OR3A2: variants seen among roughly 807,000 people sequenced by gnomAD.
The protein encoded by OR3A2 is olfactory receptor 3A2.
For synonymous variants in OR3A2, 126 were observed against 159.3 expected, an observed-to-expected ratio of 0.79 and a Z score of 1.57; for missense variants, 318 against 392.8, an observed-to-expected ratio of 0.81 and a Z score of 1.61.
chr17:3,354,175 G>A (rs1297497634), intron 2 of OR3A2, among the ~76,000 whole-genome samples: 1 of 147,660 alleles, frequency 6.8e-6, no homozygotes, highest in Non-Finnish European at 1.5e-5. Flanking sequence ...TCTGTTTTTG[G>A]TATCAGAGTA....
At chr17:3,306,147 GTTGT>G (rs71897890) in intron 3 of OR3A2, among the ~76,000 whole-genome samples, 25,096 of 151,854 alleles carry the variant, frequency 0.17, 2,937 homozygotes, top group African/African-American at 0.33. Flanking sequence ...TTTTTTGGTT[GTTGT>G]TTGTTTGCCT....
intron 2 of OR3A2, among the ~76,000 whole-genome samples, chr17:3,348,705 A>G (rs2049391493): frequency 1.3e-5 from 2 of 152,218 alleles, no homozygotes; most frequent in South Asian, 4.2e-4. Context: ...CCTCGAGAAG[A>G]GCAACTCCAA....
chr17:3,384,355 G>C (rs1304881889), intron 1 of OR3A2, among the ~76,000 whole-genome samples: 1 of 152,354 alleles, frequency 6.6e-6, no homozygotes, highest in East Asian at 1.9e-4. Flanking sequence ...ACTGAGGACA[G>C]AGCAAGGACA....
At chr17:3,380,813 G>T (rs1171410688) in intron 2 of OR3A2, among the ~76,000 whole-genome samples, 2 of 152,140 alleles carry the variant, frequency 1.3e-5, no homozygotes, top group African/African-American at 2.4e-5. Context: ...GCCACTGATG[G>T]TTTCCCTGTT....
intron 2 of OR3A2, among the ~76,000 whole-genome samples, chr17:3,345,379 A>C (rs1382716958): frequency 6.6e-6 from 1 of 152,020 alleles, no homozygotes; most frequent in East Asian, 1.9e-4. Context: ...AGCCAAAATC[A>C]TCAGAGAGAG....
At chr17:3,304,228 A>T (rs2048986096) in intron 3 of OR3A2, among the ~76,000 whole-genome samples, 1 of 151,938 alleles carries the variant, frequency 6.6e-6, no homozygotes, top group African/African-American at 2.4e-5. Flanking sequence ...TTCTCTCCGG[A>T]TGTTAGAGTT....
At chr17:3,279,099 A>G in intron 1 of OR3A2, 4 of 1,063,450 alleles carry the variant, frequency 3.8e-6, no homozygotes, top group Non-Finnish European at 5.4e-6. Flanking sequence ...GACATGCCCA[A>G]TGACACCACC....
At chr17:3,277,707 G>C (rs543400249) in exon 2 of OR3A2, 1 of 410,528 alleles carries the variant, frequency 2.4e-6, no homozygotes, top group South Asian at 4.9e-5. Flanking sequence ...TTTATAGCAT[G>C]TGAGTTGCAT....
rs150959888 is a variant in OR3A2, at chr17:3,331,165, A to T, written c.-85+4868T>A. Among the ~76,000 whole-genome samples the T allele has an allele frequency of 1.1e-3, 174 of 152,056 alleles. No homozygotes were observed. The East Asian group carries it at 0.021, about 18-fold the overall frequency. On this transcript the variant is annotated intron_variant, in intron 3 of 4. Coordinates refer to the OR3A2 transcript ENST00000573491. The stretch of plus-strand genomic sequence containing the variant: ...TTAACATTTTTTCCTTCATTGTTCA[A>T]CTTCGGTGAATCTGACAATTATGTG...
intron 3 of OR3A2, among the ~76,000 whole-genome samples, chr17:3,332,871 C>T (rs766410743): frequency 1.3e-5 from 2 of 152,138 alleles, no homozygotes; most frequent in Admixed American, 6.5e-5. Flanking sequence ...AGAGAATGTA[C>T]GTCACCTCAG....
At chr17:3,339,683 T>C (rs1398157688) in intron 2 of OR3A2, among the ~76,000 whole-genome samples, 1 of 152,208 alleles carries the variant, frequency 6.6e-6, no homozygotes, top group Non-Finnish European at 1.5e-5. Flanking sequence ...TGCCAGTATT[T>C]TATTGAGGAT....
chr17:3,300,723 G>C (rs1381182402), intron 3 of OR3A2, among the ~76,000 whole-genome samples: 1 of 151,710 alleles, frequency 6.6e-6, no homozygotes, highest in African/African-American at 2.4e-5. Context: ...TTAAGTTCTA[G>C]GGTACATGTG....
chr17:3,349,010 C>A (rs542843666), intron 2 of OR3A2, among the ~76,000 whole-genome samples: 2 of 151,984 alleles, frequency 1.3e-5, no homozygotes, highest in Non-Finnish European at 2.9e-5. Context: ...CAGGCCTGCA[C>A]TAAAAGAGTT....
intron 2 of OR3A2, among the ~76,000 whole-genome samples, chr17:3,357,403 A>G (rs191621052): frequency 6.6e-6 from 1 of 151,842 alleles, no homozygotes; most frequent in East Asian, 1.9e-4. Flanking sequence ...CCATGAAAAT[A>G]AAAAGCCAGA....
chr17:3,361,556 CATAG>C (rs2049516572), intron 2 of OR3A2, among the ~76,000 whole-genome samples: 1 of 151,588 alleles, frequency 6.6e-6, no homozygotes, highest in Non-Finnish European at 1.5e-5. Flanking sequence ...GTGGGTTTGT[CATAG>C]ATAGCTCTTA....
intron 2 of OR3A2, among the ~76,000 whole-genome samples, chr17:3,371,205 G>C (rs556827473): frequency 6.6e-6 from 1 of 151,548 alleles, no homozygotes; most frequent in African/African-American, 2.4e-5. Flanking sequence ...GGGCAGAGGC[G>C]CCCCTCACCT....
intron 3 of OR3A2, among the ~76,000 whole-genome samples, chr17:3,290,606 C>T (rs2048856649): frequency 6.6e-6 from 1 of 152,198 alleles, no homozygotes; most frequent in African/African-American, 2.4e-5. Flanking sequence ...AGCAGTGGCA[C>T]AGCAGAGTTG....
At chr17:3,355,924 T>C (rs904528159) in intron 2 of OR3A2, among the ~76,000 whole-genome samples, 1 of 151,304 alleles carries the variant, frequency 6.6e-6, no homozygotes, top group Non-Finnish European at 1.5e-5. Context: ...GTCTTTTGTT[T>C]TTAGTCAAGA....
At chr17:3,341,455 C>T (rs1033636344) in intron 2 of OR3A2, among the ~76,000 whole-genome samples, 1 of 152,048 alleles carries the variant, frequency 6.6e-6, no homozygotes, top group African/African-American at 2.4e-5. Flanking sequence ...GTTAGGCAGG[C>T]CTGGTGGTGA....
Sources: allele counts gnomAD v4.1 joint callset (sites outside exome capture counted in the v4.1 genomes callset), GRCh38; gene constraint gnomAD v4.1.1; transcripts MANE v1.5; gene names NCBI Gene and HGNC (gene_info 2026-07-23, HGNC 2026-07-21).